Variants in KCTD8 observed in about 807,000 individuals in gnomAD.
KCTD8 encodes the protein BTB/POZ domain-containing protein KCTD8.
A neutral mutation model predicts 31.5 loss-of-function variants in KCTD8; 27 were observed. The observed-to-expected ratio is 0.86, with a 90% confidence interval of 0.63 to 1.18. The LOEUF (loss-of-function observed/expected upper bound fraction) is 1.18, where lower values mean the gene tolerates loss of function less well. Among genes scored for constraint, KCTD8 ranks in the 50% most tolerant of loss-of-function variants. The pLI is 0.00. For missense variants in KCTD8, 658 were observed against 647.7 expected, an observed-to-expected ratio of 1.02 and a Z score of -0.17; for synonymous variants, 290 against 280.0, an observed-to-expected ratio of 1.04 and a Z score of -0.36.
At chr4:44,238,311 A>T (rs1339220673) in intron 1 of KCTD8, among the ~76,000 whole-genome samples, 2 of 151,904 alleles carry the variant, frequency 1.3e-5, no homozygotes, top group African/African-American at 4.8e-5. Flanking sequence ...ATATTTTCTC[A>T]TGGTTCCATC....
At chr4:44,375,730 A>T (rs1273401788) in intron 1 of KCTD8, among the ~76,000 whole-genome samples, 1 of 152,158 alleles carries the variant, frequency 6.6e-6, no homozygotes, top group Non-Finnish European at 1.5e-5. Flanking sequence ...TGGAAAGCCT[A>T]CTGGGAAGGC....
At chr4:44,363,701 A>G (rs1719558975) in intron 1 of KCTD8, among the ~76,000 whole-genome samples, 1 of 152,120 alleles carries the variant, frequency 6.6e-6, no homozygotes, top group African/African-American at 2.4e-5. Context: ...CCTGGTATAC[A>G]CACAGTAGTC....
intron 1 of KCTD8, among the ~76,000 whole-genome samples, chr4:44,377,147 G>A (rs1719936330): frequency 6.6e-6 from 1 of 152,110 alleles, no homozygotes; most frequent in Admixed American, 6.6e-5. Flanking sequence ...AGGCAACACT[G>A]GAATTTAGAA....
chr4:44,404,640 T>C (rs1216988384), intron 1 of KCTD8, among the ~76,000 whole-genome samples: 5 of 152,192 alleles, frequency 3.3e-5, no homozygotes, highest in Non-Finnish European at 7.3e-5. Flanking sequence ...GTAAGGTGAA[T>C]GACCTATAGA....
chr4:44,403,582 A>G (rs1720717366), intron 1 of KCTD8, among the ~76,000 whole-genome samples: 1 of 152,076 alleles, frequency 6.6e-6, no homozygotes, highest in Non-Finnish European at 1.5e-5. Flanking sequence ...TTCTCACTCT[A>G]TCTTCACATG....
chr4:44,299,857 T>A (rs1717555686), intron 1 of KCTD8, among the ~76,000 whole-genome samples: 1 of 150,694 alleles, frequency 6.6e-6, no homozygotes. Flanking sequence ...GGTTCACATC[T>A]TTCTCCTGCC....
intron 1 of KCTD8, among the ~76,000 whole-genome samples, chr4:44,436,369 T>C (rs867534555): frequency 1.1e-4 from 16 of 151,968 alleles, no homozygotes; most frequent in African/African-American, 3.4e-4. Flanking sequence ...TGGCATTACA[T>C]GTAAAGAGAA....
chr4:44,291,512 T>C (rs894510345), intron 1 of KCTD8, among the ~76,000 whole-genome samples: 2 of 152,046 alleles, frequency 1.3e-5, no homozygotes, highest in Non-Finnish European at 2.9e-5. Context: ...ATTTAAATTA[T>C]AAAAATTGTA....
intron 1 of KCTD8, among the ~76,000 whole-genome samples, chr4:44,270,802 T>C (rs570911030): frequency 1.3e-5 from 2 of 152,288 alleles, no homozygotes; most frequent in Non-Finnish European, 1.5e-5. Flanking sequence ...GATTTTCATG[T>C]CAAGATGATT....
At chr4:44,359,419 A>G (rs1253247701) in intron 1 of KCTD8, among the ~76,000 whole-genome samples, 1 of 152,146 alleles carries the variant, frequency 6.6e-6, no homozygotes, top group Non-Finnish European at 1.5e-5. Flanking sequence ...GCATATGCCA[A>G]CTTATTTATA....
chr4:44,262,846 T>A (rs888477431), intron 1 of KCTD8, among the ~76,000 whole-genome samples: 1 of 152,164 alleles, frequency 6.6e-6, no homozygotes, highest in African/African-American at 2.4e-5. Context: ...TGTAACAGCA[T>A]ATTCAAAAAT....
chr4:44,259,011 CAATAATTTCTA>C (rs1577578972), intron 1 of KCTD8, among the ~76,000 whole-genome samples: 2 of 151,814 alleles, frequency 1.3e-5, no homozygotes, highest in Admixed American at 6.6e-5. Flanking sequence ...CATTTAGGGT[CAATAATTTCTA>C]AATAATTTCT....
chr4:44,382,633 G>A (rs1720099461), intron 1 of KCTD8, among the ~76,000 whole-genome samples: 1 of 151,890 alleles, frequency 6.6e-6, no homozygotes, highest in Non-Finnish European at 1.5e-5. Flanking sequence ...AGAAGGCTGA[G>A]GCAGAAGAAT....
chr4:44,208,745 T>C (rs1714392382), intron 1 of KCTD8, among the ~76,000 whole-genome samples: 1 of 152,174 alleles, frequency 6.6e-6, no homozygotes, highest in African/African-American at 2.4e-5. Flanking sequence ...GAATCTCCCC[T>C]ACCTATAGAT....
intron 1 of KCTD8, among the ~76,000 whole-genome samples, chr4:44,227,957 A>T (rs1199291137): frequency 1.3e-5 from 2 of 152,276 alleles, no homozygotes; most frequent in Non-Finnish European, 2.9e-5. Flanking sequence ...GCAGTTAGTG[A>T]TCCTCTTAAA....
intron 1 of KCTD8, among the ~76,000 whole-genome samples, chr4:44,294,671 G>A (rs533438172): frequency 6.6e-6 from 1 of 152,268 alleles, no homozygotes; most frequent in African/African-American, 2.4e-5. Context: ...ATCATCAATA[G>A]AACAGAAGAA....
intron 1 of KCTD8, among the ~76,000 whole-genome samples, chr4:44,283,915 T>G (rs1162639100): frequency 1.3e-5 from 2 of 152,004 alleles, no homozygotes; most frequent in Non-Finnish European, 2.9e-5. Flanking sequence ...GAATACAACT[T>G]ACGAAGAATG....
chr4:44,180,732 C>T (rs1030242193), intron 1 of KCTD8, among the ~76,000 whole-genome samples: 5 of 152,134 alleles, frequency 3.3e-5, no homozygotes, highest in African/African-American at 9.7e-5. Flanking sequence ...TTGTGTTGGT[C>T]AGGTAACCTC....
At chr4:44,442,784 C>T (rs79194076) in intron 1 of KCTD8, among the ~76,000 whole-genome samples, 1 of 129,286 alleles carries the variant, frequency 7.7e-6, no homozygotes, top group Non-Finnish European at 1.7e-5. Flanking sequence ...TACACACACA[C>T]ACACACACAC....
Sources: allele counts gnomAD v4.1 joint callset (sites outside exome capture counted in the v4.1 genomes callset), GRCh38; gene constraint gnomAD v4.1.1; transcripts MANE v1.5; gene names NCBI Gene and HGNC (gene_info 2026-07-23, HGNC 2026-07-21).